KCNQ3: variants seen among roughly 807,000 people sequenced by gnomAD.
KCNQ3 encodes potassium voltage-gated channel subfamily KQT member 3.
Under a neutral mutation model 92.5 loss-of-function variants are expected in KCNQ3, and 30 were observed. That is an observed-to-expected ratio of 0.32 (90% CI 0.24 to 0.44). The LOEUF (loss-of-function observed/expected upper bound fraction) is 0.44, where lower values mean the gene tolerates loss of function less well. Among genes scored for constraint, KCNQ3 ranks in the 20% least tolerant of loss-of-function variants. The pLI is 1.00. For missense variants in KCNQ3, 913 were observed against 1,140.3 expected, an observed-to-expected ratio of 0.80 and a Z score of 2.87; for synonymous variants, 450 against 468.8, an observed-to-expected ratio of 0.96 and a Z score of 0.52.
chr8:132,392,010 A>G (rs935726504), intron 1 of KCNQ3, among the ~76,000 whole-genome samples: 1 of 152,094 alleles, frequency 6.6e-6, no homozygotes, highest in East Asian at 1.9e-4. Flanking sequence ...GTGTGTGCTC[A>G]TTTTTATCGG....
intron 1 of KCNQ3, among the ~76,000 whole-genome samples, chr8:132,345,818 A>G (rs796643713): frequency 9.2e-5 from 14 of 152,270 alleles, no homozygotes; most frequent in African/African-American, 3.1e-4. Context: ...TGATGATGAG[A>G]TAATGAGGAT....
At chr8:132,456,366 AT>A (rs112220964) in intron 1 of KCNQ3, among the ~76,000 whole-genome samples, 11 of 151,086 alleles carry the variant, frequency 7.3e-5, no homozygotes, top group East Asian at 1.9e-4. Flanking sequence ...TCCCACTGCT[AT>A]TTTTTTTTCC....
At chr8:132,410,543 G>A (rs1820623207) in intron 1 of KCNQ3, among the ~76,000 whole-genome samples, 1 of 152,218 alleles carries the variant, frequency 6.6e-6, no homozygotes, top group South Asian at 2.1e-4. Context: ...TGCATTGCAT[G>A]CAAAGTATGT....
chr8:132,332,295 C>A (rs1818253986), intron 1 of KCNQ3, among the ~76,000 whole-genome samples: 1 of 152,130 alleles, frequency 6.6e-6, no homozygotes, highest in Admixed American at 6.5e-5. Flanking sequence ...ACAGCCCCAG[C>A]AATAGCTCCG....
chr8:132,169,902 C>G (rs1479203986), intron 8 of KCNQ3, among the ~76,000 whole-genome samples: 1 of 151,970 alleles, frequency 6.6e-6, no homozygotes, highest in Non-Finnish European at 1.5e-5. Context: ...GGGTCTCACG[C>G]TCACTGTGTT....
At chr8:132,324,534 A>T (rs1275781985) in intron 1 of KCNQ3, among the ~76,000 whole-genome samples, 1 of 152,218 alleles carries the variant, frequency 6.6e-6, no homozygotes. Context: ...ACTTGTCTCT[A>T]AAAAAGAACC....
chr8:132,279,387 C>T (rs1427080131), intron 1 of KCNQ3, among the ~76,000 whole-genome samples: 1 of 152,100 alleles, frequency 6.6e-6, no homozygotes, highest in East Asian at 1.9e-4. Flanking sequence ...TGTAGCTCTG[C>T]TAAACAACAC....
intron 11 of KCNQ3, among the ~76,000 whole-genome samples, chr8:132,138,580 G>T (rs926941650): frequency 3.3e-5 from 5 of 152,144 alleles, no homozygotes; most frequent in Non-Finnish European, 7.3e-5. Flanking sequence ...GTTTTCTCAG[G>T]TTCCTTATAA....
intron 1 of KCNQ3, among the ~76,000 whole-genome samples, chr8:132,479,128 C>T (rs1349215001): frequency 6.6e-6 from 1 of 152,148 alleles, no homozygotes; most frequent in African/African-American, 2.4e-5. Context: ...GAGATGGGTG[C>T]TGACAGCACA....
chr8:132,255,117 C>T (rs529386360), intron 1 of KCNQ3, among the ~76,000 whole-genome samples: 4 of 151,882 alleles, frequency 2.6e-5, no homozygotes, highest in African/African-American at 9.7e-5. Flanking sequence ...CCCCCTCCCC[C>T]CCACCTCATG....
intron 1 of KCNQ3, among the ~76,000 whole-genome samples, chr8:132,447,573 GAGA>G (rs1392011766): frequency 6.6e-6 from 1 of 152,166 alleles, no homozygotes; most frequent in Non-Finnish European, 1.5e-5. Flanking sequence ...ATGGGAGAGA[GAGA>G]AGAAGAAAAG....
At chr8:132,154,140 T>G (rs1825719896) in intron 9 of KCNQ3, among the ~76,000 whole-genome samples, 1 of 148,520 alleles carries the variant, frequency 6.7e-6, no homozygotes, top group South Asian at 2.2e-4. Context: ...GGCTTAGGAC[T>G]AGGCTCAGCG....
Position 132,395,245 on chromosome 8 carries a change from C to T in KCNQ3, c.386+84902G>A, listed in dbSNP as rs556440366. On this transcript the variant is annotated intron_variant, in intron 1 of 14. Transcript: ENST00000388996. ...TAATGAGCATATCCATCATCTCAAA[C>T]ATTTATGATTTCTTTGTGTTGAGAA... Among the ~76,000 whole-genome samples the T allele has an allele frequency of 7.0e-4, 106 of 152,312 alleles. 1 individual carries two copies. Among genetic ancestry groups the T allele is most frequent in the Non-Finnish European group, 6.6e-4 (45 of 68,012 alleles).
intron 1 of KCNQ3, among the ~76,000 whole-genome samples, chr8:132,288,425 T>C (rs1413008477): frequency 6.6e-6 from 1 of 152,224 alleles, no homozygotes; most frequent in African/African-American, 2.4e-5. Context: ...AGGAACTTCT[T>C]CTATATAAAC....
chr8:132,127,604 C>G lies in KCNQ3; in HGVS notation c.*1658G>C, dbSNP rs1363809967. On this transcript the variant is annotated 3_prime_UTR_variant, in exon 15 of 15. Coordinates refer to ENST00000388996, the MANE Select transcript of KCNQ3 (RefSeq NM_004519.4). ...GGAGAATAGCAGTGTCAGCTGCATA[C>G]AGACATTTGTTTAGGTCATCTGGAT... 6.6e-6 allele frequency: 1 copy of G among 152,222 alleles called. No individual in the cohort carries two copies. Among genetic ancestry groups the G allele is most frequent in the Non-Finnish European group, 1.5e-5 (1 of 68,052 alleles). The allele number at this position is 152,222 out of a possible 1,614,324, so 9.4% of individuals were successfully genotyped here. A position where few individuals can be genotyped will look rare whatever the true frequency, so the allele number is the denominator to read the frequency against.
At chr8:132,250,932 C>T (rs1466797967) in intron 1 of KCNQ3, among the ~76,000 whole-genome samples, 2 of 152,140 alleles carry the variant, frequency 1.3e-5, no homozygotes, top group South Asian at 2.1e-4. Context: ...AGTCAAAGAT[C>T]GACCTCTTAG....
chr8:132,277,964 C>T, intron 1 of KCNQ3: 1 of 985,400 alleles, frequency 1.0e-6, no homozygotes, highest in Non-Finnish European at 1.2e-6. Context: ...CCACAAGCAT[C>T]TCACCTTCAC....
chr8:132,432,783 G>T (rs1821287292), intron 1 of KCNQ3, among the ~76,000 whole-genome samples: 1 of 152,192 alleles, frequency 6.6e-6, no homozygotes, highest in African/African-American at 2.4e-5. Flanking sequence ...ACTTAAAAAT[G>T]CCTGTCTTCT....
intron 1 of KCNQ3, among the ~76,000 whole-genome samples, chr8:132,272,431 T>C (rs1196640109): frequency 5.3e-5 from 8 of 152,216 alleles, no homozygotes; most frequent in Admixed American, 5.2e-4. Flanking sequence ...TGGGCTTTGC[T>C]TCAGTTCAGG....
Sources: gnomAD v4.1 joint callset for allele counts (sites outside exome capture counted in the v4.1 genomes callset) on GRCh38, gnomAD v4.1.1 for gene constraint, MANE v1.5 for transcripts, NCBI Gene and HGNC (gene_info 2026-07-23, HGNC 2026-07-21) for gene names.